The following SLC6A2 variants were observed in gnomAD, a reference collection of about 807,000 sequenced individuals.
SLC6A2 encodes the protein solute carrier family 6 member 2, also known as sodium-dependent noradrenaline transporter.
Under a neutral mutation model 71.7 loss-of-function variants are expected in SLC6A2, and 26 were observed. That is an observed-to-expected ratio of 0.36 (90% confidence interval 0.27 to 0.50). SLC6A2 has a LOEUF of 0.50. SLC6A2 is among the 20% of genes least tolerant of loss of function. SLC6A2 has a pLI of 0.96. For missense variants in SLC6A2, 581 were observed against 803.9 expected, an observed-to-expected ratio of 0.72 and a Z score of 3.35; for synonymous variants, 363 against 337.9, an observed-to-expected ratio of 1.07 and a Z score of -0.82.
chr16:55,692,680 C>T (rs1235745623), intron 6 of SLC6A2, among the ~76,000 whole-genome samples: 1 of 152,198 alleles, frequency 6.6e-6, no homozygotes, highest in Non-Finnish European at 1.5e-5. Context: ...TACTTCTAGC[C>T]TCCTCTTGCA....
intron 13 of SLC6A2, among the ~76,000 whole-genome samples, chr16:55,700,992 C>T (rs1965956768): frequency 6.6e-6 from 1 of 152,156 alleles, no homozygotes; most frequent in South Asian, 2.1e-4. Context: ...ATCTTTTCCT[C>T]ATATCCTTAC....
At position 55,701,923 on chromosome 16, in the gene SLC6A2, A is replaced by C. The variant is rs766547324; in HGVS notation, c.1819A>C (p.Arg607=). ...EHHLVAQRDI[R]QFQLQHWLAI ...CCACCTGGTGGCTCAGAGGGACATC[A>C]GACAGTTCCAGGTGGGTGAAGCCTA... Residue 607 remains arginine (R), a synonymous_variant, in exon 14 of 15, where the codon AGA becomes CGA. Transcript: ENST00000568943. The C allele has an allele frequency of 1.4e-5, 22 of 1,613,348 alleles. No homozygotes were observed. The Admixed American group carries it at 1.7e-4, about 12-fold the overall frequency.
In SLC6A2 at chr16:55,705,428, C is replaced by A. The variant is rs1235727460; in HGVS notation, c.*3082C>A. ...TCCTAGTAAAGAAGCCCATTGAACT[C>A]ACTTTATTTGTTTATTTCCTTCGAA... On this transcript the variant is annotated 3_prime_UTR_variant, in exon 15 of 15. Transcript: ENST00000568943. The A allele has an allele frequency of 6.8e-6, 4 of 592,322 alleles. No individual in the cohort carries two copies. In the East Asian group the frequency reaches 1.1e-4, roughly 16 times the overall value. The allele number at this position is 592,322 out of a possible 1,614,324, so 36.7% of individuals were successfully genotyped here. A position where few individuals can be genotyped will look rare whatever the true frequency, so the allele number is the denominator to read the frequency against.
At chr16:55,702,249 C>T (rs1038331234) in intron 14 of SLC6A2, 74 bp from the exon 15 acceptor site, 2 of 1,443,748 alleles carry the variant, frequency 1.4e-6, no homozygotes, top group African/African-American at 2.8e-5. Flanking sequence ...CTACCTCCTG[C>T]TGCCCCCGCC....
At chr16:55,667,950 A>G (rs1381431793) in intron 2 of SLC6A2, among the ~76,000 whole-genome samples, 3 of 152,212 alleles carry the variant, frequency 2.0e-5, no homozygotes, top group Admixed American at 1.3e-4. Context: ...TCCAACCCTC[A>G]GTTTCCTCAT....
At chr16:55,663,878 G>T (rs1468540231) in intron 2 of SLC6A2, among the ~76,000 whole-genome samples, 2 of 151,932 alleles carry the variant, frequency 1.3e-5, no homozygotes, top group African/African-American at 4.8e-5. Context: ...CTTTCTAATT[G>T]TGAGTCATAA....
At chr16:55,697,818 C>G (rs1965845713) in intron 9 of SLC6A2, 79 bp from the exon 10 acceptor site, 2 of 1,540,482 alleles carry the variant, frequency 1.3e-6, no homozygotes, top group African/African-American at 2.7e-5. Context: ...CTGCAGGAGG[C>G]TCTAGGAACC....
At chr16:55,693,162 G>A (rs572101200) in intron 6 of SLC6A2, among the ~76,000 whole-genome samples, 50 of 152,264 alleles carry the variant, frequency 3.3e-4, no homozygotes, top group African/African-American at 8.4e-4. Context: ...TGAGGCGGGC[G>A]GATCACTTGA....
chr16:55,657,072 A>G (rs1964474667), intron 2 of SLC6A2, 104 bp downstream of exon 2: 2 of 1,326,116 alleles, frequency 1.5e-6, no homozygotes, highest in Non-Finnish European at 2.1e-6. Flanking sequence ...GCGAGGAGAC[A>G]GGGGCAAATC....
intron 6 of SLC6A2, among the ~76,000 whole-genome samples, chr16:55,693,389 G>T (rs1053230764): frequency 2.1e-4 from 32 of 151,654 alleles, no homozygotes; most frequent in Non-Finnish European, 4.1e-4. Context: ...AATCTGAATT[G>T]CAGCTTAGTC....
chr16:55,691,988 C>G lies in SLC6A2; in HGVS notation c.854C>G (p.Pro285Arg). The G allele has an allele frequency of 6.2e-7, 1 of 1,614,196 alleles. No homozygotes were observed. Among genetic ancestry groups the G allele is most frequent in the East Asian group, 2.2e-5 (1 of 44,880 alleles). The change falls in exon 6 of 15, where the codon CCC becomes CGC. Residue 285 changes from proline to arginine, a missense_variant. By Grantham distance (103) the Pro-to-Arg change is moderately radical (BLOSUM62 -2). Coordinates refer to ENST00000568943, the MANE Select transcript of SLC6A2 (RefSeq NM_001172501.3). ...FVLLVHGVTL[P>R]GASNGINAYL... ...CTCCTGGTCCATGGCGTCACGCTGC[C>G]CGGAGCCTCCAATGGCATCAATGCC...
chr16:55,695,456 C>T, intron 8 of SLC6A2, 54 bp downstream of exon 8: 1 of 1,603,096 alleles, frequency 6.2e-7, no homozygotes, highest in Non-Finnish European at 8.5e-7. Context: ...GCTGAGAAGC[C>T]CACCTTATTC....
rs529030819 is a variant in SLC6A2, at chr16:55,656,875, A to G, written c.181A>G (p.Lys61Glu). The G allele has an allele frequency of 6.2e-7, 1 of 1,613,986 alleles. No homozygotes were observed. The highest frequency in any genetic ancestry group is 8.5e-7 in the Non-Finnish European group (1 of 1,179,936). Residue 61 changes from lysine to glutamate, a missense_variant, in exon 2 of 15, where the codon AAG becomes GAG. By Grantham distance (56) the Lys-to-Glu change is moderately conservative. Transcript: ENST00000568943. This position sits in a 1 kb window ranked among gnomAD's most constrained non-coding sequence, Gnocchi z 4.5. ...CGCGCAGCCCCGGGAGACCTGGGGC[A>G]AGAAGATCGACTTCCTGCTGTCCGT... ...GDAQPRETWG[K>E]KIDFLLSVVG...
chr16:55,671,839 CAG>C (rs1964926700), intron 3 of SLC6A2, 97 bp from the exon 4 acceptor site: 2 of 1,576,316 alleles, frequency 1.3e-6, no homozygotes, highest in African/African-American at 2.7e-5. Context: ...AAACGAGAGA[CAG>C]AGGGAATGGG....
chr16:55,682,425 G>A (rs912603389), intron 4 of SLC6A2, among the ~76,000 whole-genome samples: 2 of 152,158 alleles, frequency 1.3e-5, no homozygotes, highest in Admixed American at 6.5e-5. Context: ...TTCCTTACTC[G>A]TTCTCCTTGG....
At position 55,685,181 on chromosome 16, in the gene SLC6A2, A is replaced by C; in HGVS notation, c.683A>C (p.His228Pro). Residue 228 changes from histidine to proline, a missense_variant, in exon 5 of 15, where the codon CAT becomes CCT. His to Pro is a moderately conservative substitution (Grantham distance 77). This residue lies in a region of SLC6A2 where 87 missense variants were observed against 99.5 expected (regional missense o/e 0.87). Transcript: ENST00000568943. The part of the protein sequence containing the change: ...VLHLHESSGI[H>P]DIGLPQWQLL... ...CACCTTCACGAGAGCAGCGGGATTCATGACATCGGCCTGCCCCAGTGGCAG... is the reference window on the plus strand; with the variant it reads ...CACCTTCACGAGAGCAGCGGGATTCCTGACATCGGCCTGCCCCAGTGGCAG... 1 of 1,614,072 alleles carries C rather than the reference A, an allele frequency of 6.2e-7. No individual in the cohort carries two copies. Among genetic ancestry groups the C allele is most frequent in the Non-Finnish European group, 8.5e-7 (1 of 1,179,990 alleles).
intron 4 of SLC6A2, among the ~76,000 whole-genome samples, chr16:55,684,400 T>G (rs1224457955): frequency 6.6e-6 from 1 of 152,212 alleles, no homozygotes; most frequent in African/African-American, 2.4e-5. Context: ...CTTTGCGATT[T>G]GGGGTTATTA....
At chr16:55,668,036 T>A (rs1205642896) in intron 2 of SLC6A2, among the ~76,000 whole-genome samples, 3 of 152,202 alleles carry the variant, frequency 2.0e-5, no homozygotes, top group Non-Finnish European at 4.4e-5. Flanking sequence ...CAGGTCCTGC[T>A]TGATACACAG....
chr16:55,661,194 C>T (rs3785143), intron 2 of SLC6A2, among the ~76,000 whole-genome samples: 13,388 of 152,238 alleles, frequency 0.088, 653 homozygotes, highest in South Asian at 0.17. Context: ...TCATTTTTGC[C>T]TTTCTTCCAG....
Sources: gnomAD v4.1 joint callset for allele counts (sites outside exome capture counted in the v4.1 genomes callset) on GRCh38, gnomAD v4.1.1 for gene constraint, gnomAD v4.1.1 regional missense constraint, Gnocchi (gnomAD v3.1) non-coding constraint, MANE v1.5 for transcripts, NCBI Gene and HGNC (gene_info 2026-07-23, HGNC 2026-07-21) for gene names.